The following TNIP3 variants were observed in gnomAD, a reference collection of about 807,000 sequenced individuals.
The protein encoded by TNIP3 is TNFAIP3-interacting protein 3.
TNIP3 carries 34 observed loss-of-function variants against 54.1 expected under a neutral mutation model. The ratio of observed to expected loss-of-function variants is 0.63; its 90% CI spans 0.48 to 0.84. The LOEUF (loss-of-function observed/expected upper bound fraction) is 0.84, where lower values mean the gene tolerates loss of function less well. Among genes scored for constraint, TNIP3 ranks in the 40% least tolerant of loss-of-function variants. TNIP3 has a pLI of 0.00. For synonymous variants in TNIP3, 134 were observed against 136.8 expected, an observed-to-expected ratio of 0.98 and a Z score of 0.14; for missense variants, 366 against 387.6, an observed-to-expected ratio of 0.94 and a Z score of 0.47.
intron 2 of TNIP3, among the ~76,000 whole-genome samples, chr4:121,199,328 C>A (rs760793802): frequency 4.6e-5 from 7 of 152,114 alleles, no homozygotes; most frequent in Non-Finnish European, 8.8e-5. Flanking sequence ...TTCAAGATAT[C>A]CTATAAAGCT....
chr4:121,191,284 GC>G (rs1692547995), intron 2 of TNIP3, among the ~76,000 whole-genome samples: 1 of 152,154 alleles, frequency 6.6e-6, no homozygotes, highest in Non-Finnish European at 1.5e-5. Flanking sequence ...GAAAAACTTG[GC>G]ACTTGATCTA....
intron 10 of TNIP3, among the ~76,000 whole-genome samples, chr4:121,135,999 C>T (rs1340000309): frequency 6.6e-6 from 1 of 152,092 alleles, no homozygotes; most frequent in Non-Finnish European, 1.5e-5. Context: ...TTGGTGGTGC[C>T]CTAACCATGA....
intron 2 of TNIP3, among the ~76,000 whole-genome samples, chr4:121,196,258 AACT>A: frequency 6.6e-6 from 1 of 152,228 alleles, no homozygotes; most frequent in Non-Finnish European, 1.5e-5. Flanking sequence ...TTGTGTCTAA[AACT>A]AATACTGTGA....
intron 2 of TNIP3, among the ~76,000 whole-genome samples, chr4:121,203,907 GTA>G (rs36026700): frequency 6.8e-5 from 10 of 147,474 alleles, no homozygotes; most frequent in South Asian, 2.1e-4. Flanking sequence ...ATATATGTGT[GTA>G]TATATATATA....
intron 5 of TNIP3, among the ~76,000 whole-genome samples, chr4:121,151,555 G>A (rs1263222018): frequency 6.6e-6 from 1 of 152,014 alleles, no homozygotes; most frequent in Non-Finnish European, 1.5e-5. Flanking sequence ...GTTTTTTGAG[G>A]ATTTGTGTTA....
chr4:121,138,110 C>A lies in TNIP3; in HGVS notation c.946+514G>T, dbSNP rs867454005. On this transcript the variant is annotated intron_variant, in intron 10 of 10. Coordinates refer to ENST00000057513, the MANE Select transcript of TNIP3 (RefSeq NM_024873.6). ...ACTTCATAAGTGACTTTTAGTTTTC[C>A]CCAGCATACTTTGAGGTGGGCGTTG... The A allele has an allele frequency of 2.4e-4, 95 of 392,150 alleles. 1 individual carries two copies. Among genetic ancestry groups the A allele is most frequent in the African/African-American group, 1.8e-3 (88 of 47,912 alleles). 24.3% of individuals were successfully genotyped at this position (392,150 alleles called of 1,614,324 possible).
chr4:121,177,777 T>C (rs920942878), intron 3 of TNIP3, among the ~76,000 whole-genome samples: 2 of 151,460 alleles, frequency 1.3e-5, no homozygotes, highest in Non-Finnish European at 2.9e-5. Flanking sequence ...GTCTTTGTTT[T>C]GTTTTAAATA....
intron 2 of TNIP3, among the ~76,000 whole-genome samples, chr4:121,213,281 T>A (rs1303631120): frequency 6.6e-6 from 1 of 152,170 alleles, no homozygotes; most frequent in Non-Finnish European, 1.5e-5. Context: ...TGAATGAATT[T>A]AATGCCAGGT....
At chr4:121,218,926 A>G (rs1042350509), upstream of TNIP3, among the ~76,000 whole-genome samples, 19 of 152,162 alleles carry the variant, frequency 1.2e-4, no homozygotes, top group Admixed American at 1.2e-3. Context: ...GTGGCCAGCC[A>G]TGGTGGCTCA....
intron 7 of TNIP3, among the ~76,000 whole-genome samples, chr4:121,145,491 T>C (rs1489436116): frequency 1.3e-5 from 2 of 152,012 alleles, no homozygotes; most frequent in Non-Finnish European, 2.9e-5. Flanking sequence ...GATTATAGTA[T>C]ACAACGTTAA....
chr4:121,156,261 A>T (rs1403566197), intron 4 of TNIP3, among the ~76,000 whole-genome samples: 1 of 152,200 alleles, frequency 6.6e-6, no homozygotes, highest in Non-Finnish European at 1.5e-5. Context: ...TTCCCCTCAG[A>T]GTCTTTACAC....
At chr4:121,223,871 C>T (rs1727148376) in intron 1 of TNIP3, among the ~76,000 whole-genome samples, 1 of 152,084 alleles carries the variant, frequency 6.6e-6, no homozygotes. Flanking sequence ...AGAGACTATT[C>T]TTTCAAAAAA....
intron 3 of TNIP3, among the ~76,000 whole-genome samples, chr4:121,182,213 G>A (rs746287520): frequency 6.6e-5 from 10 of 152,084 alleles, no homozygotes; most frequent in Admixed American, 6.6e-5. Flanking sequence ...CAAATACCCT[G>A]AAACGAGTGG....
chr4:121,145,391 A>C (rs753189690), intron 7 of TNIP3, among the ~76,000 whole-genome samples: 9 of 152,138 alleles, frequency 5.9e-5, no homozygotes, highest in Non-Finnish European at 1.2e-4. Flanking sequence ...CTTTAGGTTC[A>C]AGGCAGAATT....
At chr4:121,187,138 T>C (rs1339471649) in intron 2 of TNIP3, among the ~76,000 whole-genome samples, 2 of 152,178 alleles carry the variant, frequency 1.3e-5, no homozygotes, top group African/African-American at 2.4e-5. Context: ...ACTTAATAAT[T>C]GCATCCAACA....
intron 2 of TNIP3, among the ~76,000 whole-genome samples, chr4:121,210,036 A>C (rs540933084): frequency 6.6e-6 from 1 of 152,172 alleles, no homozygotes; most frequent in Non-Finnish European, 1.5e-5. Context: ...ATTTGAACTC[A>C]GGGAGTCTGA....
At chr4:121,175,281 G>C (rs1724242792) in intron 3 of TNIP3, among the ~76,000 whole-genome samples, 1 of 152,220 alleles carries the variant, frequency 6.6e-6, no homozygotes, top group African/African-American at 2.4e-5. Flanking sequence ...AATTCCAAAA[G>C]TAAGGATAAT....
At chr4:121,190,676 T>A (rs1225624903) in intron 2 of TNIP3, among the ~76,000 whole-genome samples, 1 of 152,156 alleles carries the variant, frequency 6.6e-6, no homozygotes, top group African/African-American at 2.4e-5. Context: ...AGTTCAGAAG[T>A]CCTTTCCAAG....
At chr4:121,219,573 C>T (rs1726946699), upstream of TNIP3, among the ~76,000 whole-genome samples, 1 of 152,152 alleles carries the variant, frequency 6.6e-6, no homozygotes. Flanking sequence ...AGCTTTTGGA[C>T]ATTTCTGGTG....
Sources: gnomAD v4.1 joint callset for allele counts (sites outside exome capture counted in the v4.1 genomes callset) on GRCh38, gnomAD v4.1.1 for gene constraint, MANE v1.5 for transcripts, NCBI Gene and HGNC (gene_info 2026-07-23, HGNC 2026-07-21) for gene names.